The following WDHD1 variants were observed in gnomAD, a reference collection of about 807,000 sequenced individuals.
WDHD1 encodes the protein WD repeat and HMG-box DNA binding protein 1, also known as WD repeat and HMG-box DNA-binding protein 1.
A neutral mutation model predicts 135.4 loss-of-function variants in WDHD1; 111 were observed. The ratio of observed to expected loss-of-function variants is 0.82; its 90% confidence interval spans 0.70 to 0.96. WDHD1 has a LOEUF of 0.96. Among genes scored for constraint, WDHD1 ranks in the 40% least tolerant of loss-of-function variants. The probability of loss-of-function intolerance (pLI) is 0.00; values close to 1 mark genes in which losing one functional copy is unlikely to be tolerated. For missense variants in WDHD1, 1,351 were observed against 1,336.3 expected, an observed-to-expected ratio of 1.01 and a Z score of -0.17; for synonymous variants, 434 against 439.0, an observed-to-expected ratio of 0.99 and a Z score of 0.14.
chr14:55,021,540 T>C (rs937588250), intron 2 of WDHD1, among the ~76,000 whole-genome samples: 4 of 151,940 alleles, frequency 2.6e-5, no homozygotes, highest in Non-Finnish European at 4.4e-5. Context: ...TATGCCAACA[T>C]ACCCAGCCAA....
At chr14:54,944,133 A>G (rs1290968172) in intron 25 of WDHD1, among the ~76,000 whole-genome samples, 199 bp downstream of exon 25, 5 of 150,402 alleles carry the variant, frequency 3.3e-5, no homozygotes, top group Non-Finnish European at 5.9e-5. Flanking sequence ...TGTTGTTGTT[A>G]TTATTATTAT....
chr14:55,008,807 T>C, intron 4 of WDHD1, 88 bp from the exon 5 acceptor site: 1 of 1,089,262 alleles, frequency 9.2e-7, no homozygotes, highest in East Asian at 2.6e-5. Flanking sequence ...CTTTTTTTTT[T>C]TTTTTCTTTT....
intron 16 of WDHD1, among the ~76,000 whole-genome samples, chr14:54,977,413 A>T (rs1193403132): frequency 6.6e-6 from 1 of 152,222 alleles, no homozygotes; most frequent in Non-Finnish European, 1.5e-5. Context: ...TAAAATTTTC[A>T]GGTCTACAGA....
Position 55,010,375 on chromosome 14 carries a change from C to G in WDHD1, c.275G>C (p.Arg92Pro), listed in dbSNP as rs775370465. Residue 92 changes from arginine to proline, a missense_variant, in exon 4 of 26, where the codon CGC becomes CCC. By Grantham distance (103) the Arg-to-Pro change is moderately radical. Transcript: ENST00000360586. The stretch of plus-strand genomic sequence containing the variant: ...CACATGGTTTGCATTTGTAGTGAAG[C>G]GAGTCAATATACCATCTGGAACTCC... ...PEGVPDGILT[R>P]FTTNANHVVF... 6.2e-7 allele frequency: 1 copy of G among 1,613,382 alleles called. No individual in the cohort carries two copies. Among genetic ancestry groups the G allele is most frequent in the East Asian group, 2.2e-5 (1 of 44,810 alleles).
chr14:54,953,809 C>A (rs577680535), intron 24 of WDHD1, among the ~76,000 whole-genome samples: 2 of 152,266 alleles, frequency 1.3e-5, no homozygotes, highest in African/African-American at 4.8e-5. Context: ...AGGATGAATT[C>A]ATGTCCTTTG....
At chr14:54,973,541 A>C (rs974055329) in intron 16 of WDHD1, among the ~76,000 whole-genome samples, 3 of 152,158 alleles carry the variant, frequency 2.0e-5, no homozygotes, top group African/African-American at 7.2e-5. Context: ...AGTTTTCACC[A>C]CACAGTATGA....
chr14:55,019,734 C>T (rs180726624), intron 2 of WDHD1, among the ~76,000 whole-genome samples: 17 of 152,036 alleles, frequency 1.1e-4, no homozygotes, highest in Admixed American at 5.2e-4. Flanking sequence ...CCAGCTGTTG[C>T]GGAGGGCATC....
chr14:54,995,603 C>T lies in WDHD1; in HGVS notation c.1153G>A (p.Asp385Asn). The stretch of plus-strand genomic sequence containing the variant: ...CACATGCACAAAGTCAAATTCTTAC[C>T]AACTGAGTTTTCATCATCTTCTAGG... ...HILEDDENSVDISMLKTGSSL... is the reference protein window; with the variant it reads ...HILEDDENSVNISMLKTGSSL... Residue 385 changes from aspartate to asparagine, a missense_variant and splice_region_variant, in exon 11 of 26, where the codon GAT (aspartate) becomes AAT (asparagine). Physicochemically the swap from Asp to Asn is conservative, Grantham distance 23 (BLOSUM62 1). Transcript: ENST00000360586. 1 of 1,581,860 alleles carries T rather than the reference C, an allele frequency of 6.3e-7. No individual in the cohort carries two copies. Among genetic ancestry groups the T allele is most frequent in the African/African-American group, 1.4e-5 (1 of 73,560 alleles).
chr14:54,962,457 C>G, intron 21 of WDHD1, 41 bp downstream of exon 21: 1 of 1,524,804 alleles, frequency 6.6e-7, no homozygotes, highest in Non-Finnish European at 9.1e-7. Flanking sequence ...AGATGACTTG[C>G]AAAATTTCCT....
chr14:54,944,382 T>C lies in WDHD1; in HGVS notation c.3139A>G (p.Ile1047Val), dbSNP rs781218285. 9 of 1,609,440 alleles carry C rather than the reference T, an allele frequency of 5.6e-6. No homozygotes were observed. Among genetic ancestry groups the C allele is most frequent in the South Asian group, 5.6e-5 (5 of 89,636 alleles). The change falls in exon 25 of 26, where the codon ATA (isoleucine) becomes GTA (valine). Residue 1047 changes from isoleucine (I) to valine (V), a missense_variant. Physicochemically the swap from Ile to Val is conservative, Grantham distance 29 (BLOSUM62 3). Transcript: ENST00000360586. The stretch of plus-strand genomic sequence containing the variant: ...CTAAATCGAATCATTCCTTCTTTTA[T>C]TATGTCTGCTTCATCTGAAAAGTCA... ...NPDFSDEADI[I>V]KEGMIRFRVL...
chr14:55,015,526 TC>T (rs767785144), intron 2 of WDHD1, among the ~76,000 whole-genome samples: 11 of 151,978 alleles, frequency 7.2e-5, no homozygotes, highest in Non-Finnish European at 1.6e-4. Flanking sequence ...ATAAGCTATC[TC>T]CCCTTTTCCT....
chr14:54,966,550 A>G lies in WDHD1; in HGVS notation c.2235T>C (p.Asn745=). The part of the protein sequence containing the change: ...FHNHLDYLAK[N]GYEYEESTKN... ...TAGTGCTCTCTTCATATTCATAACC[A>G]TTTTTAGCTAAATAATCAAGGTGGT... Residue 745 remains asparagine, a synonymous_variant, in exon 18 of 26, where the codon AAT becomes AAC. Coordinates refer to ENST00000360586, the MANE Select transcript of WDHD1 (RefSeq NM_007086.4). The G allele has an allele frequency of 1.9e-6, 3 of 1,608,460 alleles. No individual in the cohort carries two copies. Among genetic ancestry groups the G allele is most frequent in the Non-Finnish European group, 2.5e-6 (3 of 1,178,894 alleles).
At chr14:54,949,697 T>C (rs952935438) in intron 24 of WDHD1, among the ~76,000 whole-genome samples, 11 of 152,182 alleles carry the variant, frequency 7.2e-5, no homozygotes, top group Admixed American at 1.3e-4. Flanking sequence ...AGACACATAA[T>C]TGTCAGATTC....
At chr14:54,946,018 G>A (rs182359332) in intron 24 of WDHD1, among the ~76,000 whole-genome samples, 24 of 152,180 alleles carry the variant, frequency 1.6e-4, no homozygotes, top group Admixed American at 7.8e-4. Context: ...TAATCTTAAC[G>A]TAAACCGATT....
At chr14:54,987,043 AAAGG>A (rs1323299894) in intron 14 of WDHD1, 99 bp downstream of exon 14, 3 of 1,347,516 alleles carry the variant, frequency 2.2e-6, no homozygotes, top group Non-Finnish European at 3.1e-6. Context: ...CACGGATTCA[AAAGG>A]AAGTATATAA....
chr14:55,008,500 C>A, intron 5 of WDHD1, 108 bp downstream of exon 5: 1 of 1,439,694 alleles, frequency 6.9e-7, no homozygotes, highest in South Asian at 1.3e-5. Context: ...CTGAATAAAA[C>A]AAAGGTTGAA....
chr14:55,009,024 C>G (rs1312035335), intron 4 of WDHD1, among the ~76,000 whole-genome samples: 1 of 151,772 alleles, frequency 6.6e-6, no homozygotes, highest in Non-Finnish European at 1.5e-5. Context: ...CTTGAACTCC[C>G]GACCTTGTGA....
At chr14:54,989,540 T>C (rs1414764005) in intron 12 of WDHD1, among the ~76,000 whole-genome samples, 1 of 152,180 alleles carries the variant, frequency 6.6e-6, no homozygotes, top group Non-Finnish European at 1.5e-5. Flanking sequence ...ACCAAACCAT[T>C]AAATTCCTCA....
intron 11 of WDHD1, among the ~76,000 whole-genome samples, chr14:54,995,260 C>T (rs1402963488): frequency 2.0e-5 from 3 of 152,184 alleles, no homozygotes; most frequent in African/African-American, 7.2e-5. Flanking sequence ...GGATTATAGA[C>T]GTGAGCCACC....
Sources: gnomAD v4.1 joint callset for allele counts (sites outside exome capture counted in the v4.1 genomes callset) on GRCh38, gnomAD v4.1.1 for gene constraint, MANE v1.5 for transcripts, NCBI Gene and HGNC (gene_info 2026-07-23, HGNC 2026-07-21) for gene names.